The following NPHP3 variants were observed in gnomAD, a reference collection of about 807,000 sequenced individuals.
The protein encoded by NPHP3 is nephrocystin-3.
A neutral mutation model predicts 171.9 loss-of-function variants in NPHP3; 123 were observed. The ratio of observed to expected loss-of-function variants is 0.72; its 90% CI spans 0.62 to 0.83. The LOEUF is 0.83. NPHP3 is among the 40% of genes least tolerant of loss of function. The pLI is 0.00. For missense variants in NPHP3, 1,506 were observed against 1,591.9 expected (o/e 0.95, Z 0.92); for synonymous variants, 558 against 579.2 (o/e 0.96, Z 0.52).
chr3:132,685,110 G>A (rs1421995754), intron 23 of NPHP3: 1 of 306,404 alleles, frequency 3.3e-6, no homozygotes, highest in Non-Finnish European at 6.3e-6. Context: ...AAAGATTTTT[G>A]TATTCACTCT....
chr3:132,721,063 G>A (rs972028322), intron 1 of NPHP3, among the ~76,000 whole-genome samples: 5 of 152,042 alleles, frequency 3.3e-5, no homozygotes, highest in Admixed American at 2.6e-4. Flanking sequence ...GATTACAGGC[G>A]CGTGCCACCA....
intron 9 of NPHP3, among the ~76,000 whole-genome samples, chr3:132,702,836 A>G (rs1234071058): frequency 1.3e-5 from 2 of 152,214 alleles, no homozygotes; most frequent in Non-Finnish European, 2.9e-5. Flanking sequence ...TTACTACCTC[A>G]TAAGTCCTAA....
chr3:132,690,120 A>G (rs943430576), intron 19 of NPHP3, among the ~76,000 whole-genome samples: 6 of 152,224 alleles, frequency 3.9e-5, no homozygotes, highest in African/African-American at 1.4e-4. Flanking sequence ...CATAGAAAGT[A>G]AACAAACAAA....
intron 16 of NPHP3, chr3:132,693,486 G>A (rs1214645728): frequency 6.6e-6 from 1 of 152,458 alleles, no homozygotes; most frequent in Non-Finnish European, 1.5e-5. Context: ...TTAGCCCACA[G>A]ACGTGGAGAG....
chr3:132,688,869 G>C lies in NPHP3; in HGVS notation c.2906C>G (p.Ser969Cys), dbSNP rs1327545683. The change falls in exon 21 of 27, where the codon TCT becomes TGT. Residue 969 changes from serine to cysteine, a missense_variant. Transcript: ENST00000337331. ...LSQAIVPLQR[S>C]LEIRETALDP... ...TAAAGCTGTTTCTCGAATCTCTAAA[G>C]ACCTCTGCAAAGGTACTATGGCCTG... The C allele has an allele frequency of 6.2e-6, 10 of 1,613,924 alleles. No homozygotes were observed. The highest frequency in any genetic ancestry group is 6.8e-6 in the Non-Finnish European group (8 of 1,179,982).
chr3:132,722,316 C>A lies in NPHP3; in HGVS notation c.40G>T (p.Glu14Ter), dbSNP rs761435204. The A allele has an allele frequency of 6.3e-7, 1 of 1,581,732 alleles. No individual in the cohort carries two copies. Among genetic ancestry groups the A allele is most frequent in the African/African-American group, 1.4e-5 (1 of 72,728 alleles). The change falls in exon 1 of 27, where the codon GAA becomes TAA. Residue 14 changes from glutamate to a stop codon, truncating the protein, a stop_gained. Coordinates refer to ENST00000337331, the MANE Select transcript of NPHP3 (RefSeq NM_153240.5). LOFTEE classifies it high-confidence loss of function. ...ASSLVSPAGG[E>*]VIEDTYGAGG... is the part of the protein sequence containing the mutation. ...GCCCCGTACGTGTCCTCGATCACTTCCCCGCCCGCGGGGCTCACGAGCGAC... is the reference window on the plus strand; with the variant it reads ...GCCCCGTACGTGTCCTCGATCACTTACCCGCCCGCGGGGCTCACGAGCGAC...
chr3:132,714,067 G>A (rs894048802), intron 5 of NPHP3, among the ~76,000 whole-genome samples: 5 of 152,218 alleles, frequency 3.3e-5, no homozygotes, highest in Non-Finnish European at 5.9e-5. Flanking sequence ...TGCTTTAGCA[G>A]GGATCTTTGT....
intron 17 of NPHP3, 148 bp from the exon 18 acceptor site, chr3:132,691,434 T>C (rs544710782): frequency 3.2e-6 from 2 of 633,540 alleles, no homozygotes; most frequent in East Asian, 2.9e-5. Flanking sequence ...ATTTAGGACA[T>C]ATTTATTTGA....
intron 9 of NPHP3, among the ~76,000 whole-genome samples, chr3:132,703,878 G>A (rs1301461935): frequency 2.0e-5 from 3 of 152,156 alleles, no homozygotes; most frequent in Admixed American, 2.0e-4. Flanking sequence ...ACTGCACCTG[G>A]CCTCAGCCTT....
chr3:132,713,213 T>C lies in NPHP3; in HGVS notation c.1031A>G (p.Asp344Gly), dbSNP rs749743350. 4 of 1,587,724 alleles carry C rather than the reference T, an allele frequency of 2.5e-6. No homozygotes were observed. Among genetic ancestry groups the C allele is most frequent in the African/African-American group, 1.3e-5 (1 of 74,462 alleles). Residue 344 changes from aspartate to glycine, a missense_variant, in exon 6 of 27, where the codon GAT (aspartate) becomes GGT (glycine). Asp to Gly is a moderately conservative substitution (Grantham distance 94). Transcript: ENST00000337331. ...YFFHAVYFPI[D>G]VENQYLTVRK... ...TACAGTGAGGTATTGATTTTCAACA[T>C]CTATTGGAAAATAAACAGCATGGAA...
chr3:132,713,256 C>A lies in NPHP3; in HGVS notation c.988G>T (p.Glu330Ter). ...DYSPKLKRMC[E>*]TMGYFFHAVY... ...GCATGGAAAAAATATCCCATTGTCT[C>A]GCACATTCTCTTAAGTTTAGGTGAA... The change falls in exon 6 of 27, where the codon GAG (glutamate) becomes TAG (stop). Residue 330 changes from glutamate (E) to a stop codon, truncating the protein, a stop_gained. Coordinates refer to ENST00000337331, the MANE Select transcript of NPHP3 (RefSeq NM_153240.5). LOFTEE classifies it high-confidence loss of function. The A allele has an allele frequency of 6.2e-7, 1 of 1,602,460 alleles. No individual in the cohort carries two copies. The highest frequency in any genetic ancestry group is 8.5e-7 in the Non-Finnish European group (1 of 1,173,728).
chr3:132,699,530 G>A (rs1449987273), intron 12 of NPHP3, 80 bp from the exon 13 acceptor site: 1 of 925,100 alleles, frequency 1.1e-6, no homozygotes, highest in African/African-American at 1.7e-5. Context: ...CAAATAAAAT[G>A]AAATTCTCAT....
chr3:132,697,751 T>C (rs1172488806), intron 13 of NPHP3, among the ~76,000 whole-genome samples: 1 of 152,210 alleles, frequency 6.6e-6, no homozygotes, highest in Non-Finnish European at 1.5e-5. Context: ...TATTACAATA[T>C]ACATTCTTGA....
intron 6 of NPHP3, among the ~76,000 whole-genome samples, chr3:132,712,791 A>G (rs1233338773): frequency 6.6e-6 from 1 of 151,904 alleles, no homozygotes; most frequent in Non-Finnish European, 1.5e-5. Context: ...AAAAATTTAT[A>G]TATATATGAA....
intron 7 of NPHP3, among the ~76,000 whole-genome samples, chr3:132,707,342 T>C (rs191354035): frequency 1.3e-4 from 20 of 152,234 alleles, no homozygotes; most frequent in Admixed American, 3.3e-4. Flanking sequence ...CCTGTGCCTG[T>C]AGTCCCAGCT....
intron 6 of NPHP3, among the ~76,000 whole-genome samples, chr3:132,711,740 GA>G (rs1403819417): frequency 6.6e-6 from 1 of 152,078 alleles, no homozygotes; most frequent in Non-Finnish European, 1.5e-5. Flanking sequence ...TAAGTAATAA[GA>G]TAAGATATAT....
At chr3:132,721,776 T>C (rs891923491) in intron 1 of NPHP3, 187 bp downstream of exon 1, 6 of 814,634 alleles carry the variant, frequency 7.4e-6, no homozygotes, top group Middle Eastern at 2.2e-4. Context: ...AGCGAGACCC[T>C]GTCTCCAAAA....
At chr3:132,685,527 A>C (rs560507331) in intron 23 of NPHP3, 1 of 152,330 alleles carries the variant, frequency 6.6e-6, no homozygotes, top group Non-Finnish European at 1.5e-5. Flanking sequence ...CAAATTTGTT[A>C]TATTTTTCTG....
rs1399616263 is a variant in NPHP3 at position 132,700,339 on chromosome 3, G to C, written c.1738C>G (p.Leu580Val). The change falls in exon 11 of 27, where the codon CTA (leucine) becomes GTA (valine). Residue 580 changes from leucine to valine, a missense_variant. Physicochemically the swap from Leu to Val is conservative, Grantham distance 32. This residue lies in a region of NPHP3 where 930 missense variants were observed against 924.9 expected (regional missense o/e 1.01). Coordinates refer to ENST00000337331, the MANE Select transcript of NPHP3 (RefSeq NM_153240.5). ...ESSLIIKRLT[L>V]KLMQHSWSVS... ...CAAAAGATGGGATACTATACCTTTA[G>C]AGTTAGTCGTTTAATAATCAAGGAG... 3 of 1,589,384 alleles carry C rather than the reference G, an allele frequency of 1.9e-6. No homozygotes were observed. Among genetic ancestry groups the C allele is most frequent in the South Asian group, 1.1e-5 (1 of 90,576 alleles).
Sources: allele counts gnomAD v4.1 joint callset (sites outside exome capture counted in the v4.1 genomes callset), GRCh38; gene constraint gnomAD v4.1.1; regional missense constraint gnomAD v4.1.1; transcripts MANE v1.5; gene names NCBI Gene and HGNC (gene_info 2026-07-23, HGNC 2026-07-21).